PDE4D: variants seen among roughly 807,000 people sequenced by gnomAD.
PDE4D encodes the protein phosphodiesterase 4D.
In PDE4D, 24 loss-of-function variants were observed where a neutral mutation model predicts 87.4. That is an observed-to-expected ratio of 0.27 (90% CI 0.20 to 0.39). The LOEUF is 0.39. Among genes scored for constraint, PDE4D ranks in the 10% least tolerant of loss-of-function variants. PDE4D has a pLI of 1.00. For missense variants in PDE4D, 714 were observed against 1,041.0 expected, an observed-to-expected ratio of 0.69 and a Z score of 4.32; for synonymous variants, 384 against 383.2, an observed-to-expected ratio of 1.00 and a Z score of -0.02.
chr5:59,710,684 A>G (rs1159450725), intron 1 of PDE4D, among the ~76,000 whole-genome samples: 1 of 152,184 alleles, frequency 6.6e-6, no homozygotes, highest in East Asian at 1.9e-4. Context: ...TTAACCTTTT[A>G]GGAGAAAAAT....
intron 1 of PDE4D, among the ~76,000 whole-genome samples, chr5:60,256,942 C>A (rs1324250523): frequency 2.0e-5 from 3 of 151,952 alleles, no homozygotes; most frequent in South Asian, 2.1e-4. Context: ...CACACATGCA[C>A]CCACATGGTA....
chr5:59,678,629 A>G (rs1489414392), intron 1 of PDE4D, among the ~76,000 whole-genome samples: 1 of 151,950 alleles, frequency 6.6e-6, no homozygotes. Flanking sequence ...CAGTGCCTGG[A>G]TATTTCTGTA....
intron 2 of PDE4D, among the ~76,000 whole-genome samples, chr5:60,018,525 A>G (rs1434768027): frequency 6.6e-6 from 1 of 152,332 alleles, no homozygotes; most frequent in African/African-American, 2.4e-5. Flanking sequence ...AAATGCCCCA[A>G]TTAAAAGACA....
intron 2 of PDE4D, among the ~76,000 whole-genome samples, chr5:59,195,456 G>T (rs1268778084): frequency 6.6e-6 from 1 of 152,200 alleles, no homozygotes; most frequent in Middle Eastern, 3.2e-3. Flanking sequence ...ATACAGAGCT[G>T]CAACGAGAAG....
intron 1 of PDE4D, among the ~76,000 whole-genome samples, chr5:59,257,428 C>G (rs146016139): frequency 1.3e-5 from 2 of 151,970 alleles, no homozygotes; most frequent in African/African-American, 4.8e-5. Flanking sequence ...TGGGGAACCA[C>G]GGCTTACATC....
At chr5:59,649,970 C>T (rs1212024689) in intron 1 of PDE4D, among the ~76,000 whole-genome samples, 1 of 107,544 alleles carries the variant, frequency 9.3e-6, no homozygotes, top group Non-Finnish European at 1.8e-5. Flanking sequence ...TTCTTCAGAA[C>T]TGCTTAGACT....
intron 2 of PDE4D, among the ~76,000 whole-genome samples, chr5:60,088,898 T>G (rs1050483360): frequency 1.2e-4 from 18 of 151,958 alleles, no homozygotes; most frequent in African/African-American, 4.3e-4. Flanking sequence ...TTTAAAAGGA[T>G]CCAACTATAT....
chr5:60,425,903 C>T (rs926734998), intron 1 of PDE4D, among the ~76,000 whole-genome samples: 2 of 152,168 alleles, frequency 1.3e-5, no homozygotes, highest in Non-Finnish European at 2.9e-5. Context: ...CAAAAGAAGA[C>T]ATTTATGCAG....
At chr5:60,373,261 G>GA (rs1473105475) in intron 1 of PDE4D, among the ~76,000 whole-genome samples, 1 of 152,132 alleles carries the variant, frequency 6.6e-6, no homozygotes, top group African/African-American at 2.4e-5. Flanking sequence ...GGCATCTTTT[G>GA]AAAAAACTAG....
At chr5:59,261,859 C>A (rs1361469026) in intron 1 of PDE4D, among the ~76,000 whole-genome samples, 1 of 151,700 alleles carries the variant, frequency 6.6e-6, no homozygotes, top group Non-Finnish European at 1.5e-5. Context: ...ATAAAAATAT[C>A]TCTTATTAAA....
intron 1 of PDE4D, among the ~76,000 whole-genome samples, chr5:59,605,479 A>C (rs1232632969): frequency 2.0e-5 from 3 of 152,024 alleles, no homozygotes; most frequent in African/African-American, 7.2e-5. Context: ...CCTGCCTCCC[A>C]TGGTATATAC....
At chr5:59,123,844 G>C (rs1580922101) in intron 5 of PDE4D, among the ~76,000 whole-genome samples, 1 of 152,224 alleles carries the variant, frequency 6.6e-6, no homozygotes, top group East Asian at 1.9e-4. Context: ...GAAAGACTGG[G>C]GTCCAAATCT....
chr5:59,238,898 T>C (rs1298956338), intron 1 of PDE4D, among the ~76,000 whole-genome samples: 3 of 152,200 alleles, frequency 2.0e-5, no homozygotes, highest in Middle Eastern at 3.2e-3. Flanking sequence ...GTCAGTGTCC[T>C]TGGGAATAAC....
intron 3 of PDE4D, among the ~76,000 whole-genome samples, chr5:59,979,962 G>A (rs905241037): frequency 1.3e-5 from 2 of 151,924 alleles, no homozygotes; most frequent in African/African-American, 4.8e-5. Flanking sequence ...AAAAAAGTTT[G>A]ATTACTTCAT....
intron 1 of PDE4D, among the ~76,000 whole-genome samples, chr5:60,227,161 A>T (rs1745214498): frequency 6.6e-6 from 1 of 152,140 alleles, no homozygotes; most frequent in South Asian, 2.1e-4. Flanking sequence ...AGTCACAAAA[A>T]CAAAATATGT....
intron 1 of PDE4D, among the ~76,000 whole-genome samples, chr5:59,808,563 A>C (rs1369480886): frequency 6.6e-6 from 1 of 151,840 alleles, no homozygotes; most frequent in East Asian, 1.9e-4. Context: ...CCAACCTGTT[A>C]CATCTTGATC....
At chr5:60,414,964 T>C (rs1170548342) in intron 1 of PDE4D, among the ~76,000 whole-genome samples, 1 of 152,222 alleles carries the variant, frequency 6.6e-6, no homozygotes, top group African/African-American at 2.4e-5. Context: ...ATTTGAGTCT[T>C]AGGGTAATCA....
Position 59,697,758 on chromosome 5 carries a change from C to T in PDE4D, c.455+195410G>A, listed in dbSNP as rs148162857. Among the ~76,000 whole-genome samples the T allele has an allele frequency of 2.6e-3, 398 of 152,302 alleles. 2 individuals are homozygous for T. The highest frequency in any genetic ancestry group is 2.8e-3 in the Non-Finnish European group (189 of 68,024). ...TATTCTGATGAGTTGTTATTATGTACTTGCTAAGAAACAACAGCCTAGGTA... is the reference window on the plus strand; with the variant it reads ...TATTCTGATGAGTTGTTATTATGTATTTGCTAAGAAACAACAGCCTAGGTA... On this transcript the variant is annotated intron_variant, in intron 1 of 14. Transcript: ENST00000340635.
intron 1 of PDE4D, among the ~76,000 whole-genome samples, chr5:59,465,504 T>A (rs1054040579): frequency 6.6e-6 from 1 of 152,232 alleles, no homozygotes; most frequent in Non-Finnish European, 1.5e-5. Context: ...GTATATTTAC[T>A]ACACAACACT....
Sources: gnomAD v4.1 joint callset for allele counts (sites outside exome capture counted in the v4.1 genomes callset) on GRCh38, gnomAD v4.1.1 for gene constraint, MANE v1.5 for transcripts, NCBI Gene and HGNC (gene_info 2026-07-23, HGNC 2026-07-21) for gene names.